The following CEP112 variants were observed in gnomAD, a reference collection of about 807,000 sequenced individuals.
CEP112 encodes centrosomal protein 112, also known as centrosomal protein of 112 kDa.
CEP112 carries 127 observed loss-of-function variants against 153.0 expected under a neutral mutation model. That is an observed-to-expected ratio of 0.83 (90% CI 0.72 to 0.96). The LOEUF (loss-of-function observed/expected upper bound fraction) is 0.96, where lower values mean the gene tolerates loss of function less well. Ranked by LOEUF, CEP112 falls within the 40% of genes least tolerant of loss-of-function variation. The pLI is 0.00. For missense variants in CEP112, 1,089 were observed against 1,101.2 expected, an observed-to-expected ratio of 0.99 and a Z score of 0.16; for synonymous variants, 358 against 374.4, an observed-to-expected ratio of 0.96 and a Z score of 0.51.
chr17:65,818,590 C>CT (rs2056385627), intron 21 of CEP112, among the ~76,000 whole-genome samples: 1 of 151,746 alleles, frequency 6.6e-6, no homozygotes, highest in African/African-American at 2.4e-5. Flanking sequence ...ATAACTTTCT[C>CT]CTCAAGTTTA....
At chr17:65,852,298 CCCTT>C (rs2057971091) in intron 20 of CEP112, among the ~76,000 whole-genome samples, 1 of 69,756 alleles carries the variant, frequency 1.4e-5, no homozygotes, top group Non-Finnish European at 2.9e-5. Context: ...CTCCTCCCTT[CCCTT>C]CCCTTCCCTT....
intron 17 of CEP112, among the ~76,000 whole-genome samples, chr17:66,000,693 G>A (rs2064002378): frequency 6.6e-6 from 1 of 152,132 alleles, no homozygotes. Context: ...ATCTGGAGGA[G>A]CAGGAATAGT....
intron 24 of CEP112, among the ~76,000 whole-genome samples, chr17:65,647,221 T>G (rs1598182126): frequency 6.8e-6 from 1 of 145,994 alleles, no homozygotes; most frequent in Non-Finnish European, 1.5e-5. Context: ...TTGCCCAGGC[T>G]GGAGTGCAAT....
chr17:66,087,118 C>T (rs1376019538), intron 8 of CEP112, among the ~76,000 whole-genome samples: 1 of 152,000 alleles, frequency 6.6e-6, no homozygotes, highest in East Asian at 1.9e-4. Context: ...AATGATGCCT[C>T]AAATATTTTT....
intron 4 of CEP112, among the ~76,000 whole-genome samples, chr17:66,158,639 T>C (rs1301660581): frequency 1.3e-5 from 2 of 152,074 alleles, no homozygotes; most frequent in Non-Finnish European, 2.9e-5. Flanking sequence ...AATAAAGTTG[T>C]TCTTTGAAAC....
chr17:65,852,297 TCCC>T (rs1189041492), intron 20 of CEP112, among the ~76,000 whole-genome samples: 1 of 426 alleles, frequency 2.3e-3, no homozygotes, highest in East Asian at 0.12. Context: ...CCTCCTCCCT[TCCC>T]TTCCCTTCCC....
intron 20 of CEP112, among the ~76,000 whole-genome samples, chr17:65,864,723 A>G (rs1245589441): frequency 2.6e-5 from 4 of 152,206 alleles, no homozygotes; most frequent in African/African-American, 4.8e-5. Flanking sequence ...AGGAAAGAGC[A>G]CTACAACACC....
At chr17:65,901,010 G>T (rs1415273682) in intron 20 of CEP112, among the ~76,000 whole-genome samples, 1 of 152,120 alleles carries the variant, frequency 6.6e-6, no homozygotes, top group African/African-American at 2.4e-5. Flanking sequence ...GAATATAGAA[G>T]ACAACTCAAG....
intron 17 of CEP112, among the ~76,000 whole-genome samples, chr17:65,969,971 A>G (rs528429346): frequency 3.3e-5 from 5 of 152,328 alleles, no homozygotes; most frequent in South Asian, 2.1e-4. Context: ...TGTATGTATA[A>G]CATGCATATC....
intron 2 of CEP112, among the ~76,000 whole-genome samples, chr17:66,179,332 G>A (rs2072619800): frequency 6.6e-6 from 1 of 151,938 alleles, no homozygotes; most frequent in African/African-American, 2.4e-5. Context: ...TGAACATAGG[G>A]TATCTTTCTG....
chr17:65,754,700 G>A (rs1281815605), intron 21 of CEP112, among the ~76,000 whole-genome samples: 1 of 152,176 alleles, frequency 6.6e-6, no homozygotes, highest in African/African-American at 2.4e-5. Context: ...GTGGAGCACT[G>A]GCTCCTTCAG....
chr17:65,828,701 CAGTAT>C (rs1323923866), intron 21 of CEP112, among the ~76,000 whole-genome samples: 11 of 151,672 alleles, frequency 7.3e-5, no homozygotes, highest in Admixed American at 2.0e-4. Context: ...TTTGATTTAT[CAGTAT>C]AGTAATTTAT....
chr17:65,776,481 T>A (rs2053687312), intron 21 of CEP112, among the ~76,000 whole-genome samples: 2 of 152,226 alleles, frequency 1.3e-5, no homozygotes, highest in Admixed American at 6.5e-5. Flanking sequence ...CGCCTTGGCC[T>A]CCCAAAGTTC....
chr17:66,028,026 G>T (rs1283660989), intron 15 of CEP112, among the ~76,000 whole-genome samples: 3 of 150,660 alleles, frequency 2.0e-5, no homozygotes. Flanking sequence ...TAATTTAAAA[G>T]AAGGAAATTA....
rs541213956 is a variant in CEP112, at chr17:65,841,997, T to C, written c.2394+9807A>G. On this transcript the variant is annotated intron_variant, in intron 21 of 26. Transcript: ENST00000535342. ...TCTCCATTTAAATATAAAACTTTGA[T>C]GATAGCAAATAAGGTCTTCTACTTT... Among the ~76,000 whole-genome samples, 33 of 152,102 alleles carry C rather than the reference T, an allele frequency of 2.2e-4. No homozygotes were observed. The South Asian group carries it at 2.3e-3, about 10-fold the overall frequency.
chr17:65,837,611 G>A (rs1032252372), intron 21 of CEP112, among the ~76,000 whole-genome samples: 9 of 152,172 alleles, frequency 5.9e-5, no homozygotes, highest in Non-Finnish European at 1.0e-4. Flanking sequence ...CATTGAGAAC[G>A]GGCCATGATG....
intron 17 of CEP112, among the ~76,000 whole-genome samples, chr17:65,987,426 C>T (rs892163910): frequency 5.3e-5 from 8 of 151,626 alleles, no homozygotes; most frequent in African/African-American, 1.9e-4. Context: ...GATAAAAGAG[C>T]TACAAAAGTG....
intron 18 of CEP112, among the ~76,000 whole-genome samples, chr17:65,951,205 A>G (rs770859874): frequency 6.6e-6 from 1 of 152,138 alleles, no homozygotes; most frequent in Non-Finnish European, 1.5e-5. Flanking sequence ...TACTAGTGAA[A>G]TATTTGTCCA....
intron 6 of CEP112, among the ~76,000 whole-genome samples, chr17:66,102,901 A>T (rs2068625739): frequency 6.6e-6 from 1 of 151,966 alleles, no homozygotes; most frequent in African/African-American, 2.4e-5. Context: ...GAATCTACCA[A>T]AAAAACTATA....
Sources: allele counts gnomAD v4.1 joint callset (sites outside exome capture counted in the v4.1 genomes callset), GRCh38; gene constraint gnomAD v4.1.1; transcripts MANE v1.5; gene names NCBI Gene and HGNC (gene_info 2026-07-23, HGNC 2026-07-21).